The following TENM3 variants were observed in gnomAD, a reference collection of about 807,000 sequenced individuals.
TENM3 encodes teneurin-3.
Under a neutral mutation model 255.1 loss-of-function variants are expected in TENM3, and 63 were observed. The ratio of observed to expected loss-of-function variants is 0.25; its 90% CI spans 0.20 to 0.30. TENM3 has a LOEUF of 0.30. Ranked by LOEUF, TENM3 falls within the 10% of genes least tolerant of loss-of-function variation. The probability of loss-of-function intolerance (pLI) is 1.00; values close to 1 mark genes in which losing one functional copy is unlikely to be tolerated. For synonymous variants in TENM3, 1,306 were observed against 1,322.3 expected (o/e 0.99, Z 0.27); for missense variants, 2,929 against 3,461.1 (o/e 0.85, Z 3.86).
In TENM3 at chr4:182,731,159, A is replaced by G; in HGVS notation, c.2967+20A>G. ...ACACAGGTAAAATATTCTCACAGGC[A>G]GTACTTGTAAATACAAGATCTTCAG... On this transcript the variant is annotated intron_variant, in intron 16 of 27. Coordinates refer to ENST00000511685, the MANE Select transcript of TENM3 (RefSeq NM_001080477.4). 1 of 1,607,406 alleles carries G rather than the reference A, an allele frequency of 6.2e-7. No individual in the cohort carries two copies. The highest frequency in any genetic ancestry group is 8.5e-7 in the Non-Finnish European group (1 of 1,176,484).
rs756401954 is a variant in TENM3, at chr4:182,673,012, A to G, written c.1119A>G (p.Leu373=). The change falls in exon 7 of 28, where the codon TTA becomes TTG. Residue 373 remains leucine, a synonymous_variant. Transcript: ENST00000511685. ...VSLPSGDNGK[L]GGFTQENNTI... ...TGCATCTCTTACATTCAGGAAAATT[A>G]GGTGGATTTACGCAAGAAAATAACA... 21 of 1,576,586 alleles carry G rather than the reference A, an allele frequency of 1.3e-5. No individual in the cohort carries two copies. The highest frequency in any genetic ancestry group is 1.7e-5 in the Non-Finnish European group (20 of 1,157,454).
At chr4:182,171,649 C>A (rs1195623453) in intron 1 of TENM3, among the ~76,000 whole-genome samples, 1 of 152,108 alleles carries the variant, frequency 6.6e-6, no homozygotes, top group Non-Finnish European at 1.5e-5. Context: ...GGTTGTAATG[C>A]ACAACATAGT....
chr4:181,939,087 A>G, the TENM3 span, among the ~76,000 whole-genome samples: 1 of 152,218 alleles, frequency 6.6e-6, no homozygotes, highest in African/African-American at 2.4e-5. Context: ...GCATGGATTA[A>G]ATGAAGATAA....
the TENM3 span, among the ~76,000 whole-genome samples, chr4:182,064,558 G>T: frequency 6.6e-6 from 1 of 151,780 alleles, no homozygotes; most frequent in Non-Finnish European, 1.5e-5. Context: ...TCCAGCCTGG[G>T]CAACAGAGCG....
At chr4:182,325,098 C>T (rs965961671) in intron 2 of TENM3, among the ~76,000 whole-genome samples, 2 of 152,098 alleles carry the variant, frequency 1.3e-5, no homozygotes, top group Non-Finnish European at 2.9e-5. Context: ...TTGTAATGTG[C>T]AGTATAATTT....
chr4:182,329,431 G>A (rs1763619999), intron 2 of TENM3, among the ~76,000 whole-genome samples: 1 of 152,202 alleles, frequency 6.6e-6, no homozygotes, highest in Admixed American at 6.5e-5. Context: ...CTGATAGGGT[G>A]AGAATGCCAT....
intron 3 of TENM3, among the ~76,000 whole-genome samples, chr4:182,560,110 T>C (rs1198328628): frequency 2.0e-5 from 3 of 149,474 alleles, no homozygotes; most frequent in Non-Finnish European, 4.5e-5. Context: ...AAAGAGTAAC[T>C]ATCCCCACAA....
chr4:181,885,773 T>C, the TENM3 span, among the ~76,000 whole-genome samples: 1 of 152,216 alleles, frequency 6.6e-6, no homozygotes. Flanking sequence ...ACTTACAAAA[T>C]ACTGTTCTAT....
chr4:182,576,990 C>G (rs941156552), intron 3 of TENM3, among the ~76,000 whole-genome samples: 1 of 152,146 alleles, frequency 6.6e-6, no homozygotes, highest in African/African-American at 2.4e-5. Context: ...GTTCTCCTAC[C>G]CTGTCCCAGC....
chr4:182,684,927 CA>C, intron 11 of TENM3, among the ~76,000 whole-genome samples: 1 of 152,254 alleles, frequency 6.6e-6, no homozygotes, highest in African/African-American at 2.4e-5. Context: ...GTAATTTTTA[CA>C]AATTGCTGTT....
chr4:181,666,023 G>T, the TENM3 span, among the ~76,000 whole-genome samples: 7 of 152,196 alleles, frequency 4.6e-5, no homozygotes, highest in East Asian at 1.4e-3. Context: ...TCATGATTTT[G>T]CATTGTCATG....
the TENM3 span, among the ~76,000 whole-genome samples, chr4:181,934,484 G>C: frequency 1.3e-5 from 2 of 152,078 alleles, no homozygotes; most frequent in Non-Finnish European, 2.9e-5. Flanking sequence ...GATTTAATCG[G>C]TAGCAGTTCT....
chr4:182,235,617 A>G (rs1472923151), intron 1 of TENM3, among the ~76,000 whole-genome samples: 1 of 152,020 alleles, frequency 6.6e-6, no homozygotes, highest in Non-Finnish European at 1.5e-5. Context: ...CTACACACAT[A>G]CACACGGGAG....
At chr4:182,724,374 A>G (rs1759999667) in intron 13 of TENM3, among the ~76,000 whole-genome samples, 1 of 152,222 alleles carries the variant, frequency 6.6e-6, no homozygotes, top group Non-Finnish European at 1.5e-5. Flanking sequence ...AATACAGACC[A>G]AAAAATGAAA....
chr4:182,631,636 A>G (rs1287999038), intron 5 of TENM3: 1 of 152,116 alleles, frequency 6.6e-6, no homozygotes, highest in Admixed American at 6.6e-5. Context: ...AGTCTGATAA[A>G]CCCCAGTATC....
At chr4:182,464,362 T>C (rs1218309442) in intron 3 of TENM3, among the ~76,000 whole-genome samples, 11 of 152,148 alleles carry the variant, frequency 7.2e-5, no homozygotes. Context: ...GTTCAAGTGA[T>C]TCTCCTGACT....
the TENM3 span, among the ~76,000 whole-genome samples, chr4:181,939,893 A>C: frequency 2.0e-5 from 3 of 152,212 alleles, no homozygotes; most frequent in Admixed American, 1.3e-4. Context: ...ATTGCTTTAA[A>C]TTATATTCTA....
chr4:182,653,816 A>T lies in TENM3; in HGVS notation c.1034A>T (p.Asn345Ile). 1 of 1,613,054 alleles carries T rather than the reference A, an allele frequency of 6.2e-7. No individual in the cohort carries two copies. The highest frequency in any genetic ancestry group is 1.1e-5 in the South Asian group (1 of 90,946). ...AACTGGCAGCTACAGCAGACTGAAA[A>T]TGACACATTTGAGAATGGAAAAGTG... Reference protein sequence around the residue: ...GLNWQLQQTENDTFENGKVNS... With the variant: ...GLNWQLQQTEIDTFENGKVNS... The change falls in exon 6 of 28, where the codon AAT becomes ATT. Residue 345 changes from asparagine (N) to isoleucine (I), a missense_variant. Around this residue, in one of 6 missense-constraint regions of TENM3, gnomAD observed 1,608 missense variants for 1,884.4 expected, o/e 0.85. Transcript: ENST00000511685.
the TENM3 span, among the ~76,000 whole-genome samples, chr4:181,791,080 T>TGA: frequency 2.0e-5 from 3 of 152,200 alleles, no homozygotes; most frequent in African/African-American, 7.2e-5. Context: ...TGAACCAGTT[T>TGA]CCCTGAGAAC....
Sources: gnomAD v4.1 joint callset for allele counts (sites outside exome capture counted in the v4.1 genomes callset) on GRCh38, gnomAD v4.1.1 for gene constraint, gnomAD v4.1.1 regional missense constraint, MANE v1.5 for transcripts, NCBI Gene and HGNC (gene_info 2026-07-23, HGNC 2026-07-21) for gene names.